Variants in KCNK9 observed in about 807,000 individuals in gnomAD.
KCNK9 encodes potassium two pore domain channel subfamily K member 9.
A neutral mutation model predicts 10.8 loss-of-function variants in KCNK9; 1 was observed. The observed-to-expected ratio is 0.09, with a 90% confidence interval of 0.03 to 0.44. The LOEUF (loss-of-function observed/expected upper bound fraction) is 0.44, where lower values mean the gene tolerates loss of function less well. Ranked by LOEUF, KCNK9 falls within the 20% of genes least tolerant of loss-of-function variation. KCNK9 has a pLI of 0.97. For missense variants in KCNK9, 303 were observed against 515.0 expected, an observed-to-expected ratio of 0.59 and a Z score of 3.98; for synonymous variants, 231 against 222.7, an observed-to-expected ratio of 1.04 and a Z score of -0.33.
intron 1 of KCNK9, among the ~76,000 whole-genome samples, chr8:139,666,005 G>T (rs1474640742): frequency 6.6e-6 from 1 of 152,232 alleles, no homozygotes; most frequent in Non-Finnish European, 1.5e-5. Flanking sequence ...CTGGGAAGTA[G>T]TGAGTGCTCC....
At chr8:139,612,930 G>A (rs1030118423), downstream of KCNK9, among the ~76,000 whole-genome samples, 9 of 152,180 alleles carry the variant, frequency 5.9e-5, no homozygotes, top group South Asian at 2.1e-4. Context: ...TGATGGGGAC[G>A]TCCTATTTGG....
At chr8:139,633,122 TACAC>T (rs935773136) in intron 1 of KCNK9, among the ~76,000 whole-genome samples, 38 of 151,694 alleles carry the variant, frequency 2.5e-4, no homozygotes, top group African/African-American at 8.5e-4. Flanking sequence ...CACAGGTACA[TACAC>T]ACAGGCACTC....
At chr8:139,620,507 C>T (rs1225706730) in intron 1 of KCNK9, among the ~76,000 whole-genome samples, 3 of 152,086 alleles carry the variant, frequency 2.0e-5, no homozygotes, top group African/African-American at 7.2e-5. Context: ...CCCCAGGATC[C>T]TCTGCCGCTC....
chr8:139,649,281 G>A (rs1191441156), intron 1 of KCNK9, among the ~76,000 whole-genome samples: 13 of 152,194 alleles, frequency 8.5e-5, no homozygotes, highest in Admixed American at 4.6e-4. Flanking sequence ...CCTGAGTGGC[G>A]CGTCAGAAGC....
At chr8:139,638,020 C>G (rs1815391746) in intron 1 of KCNK9, among the ~76,000 whole-genome samples, 1 of 151,952 alleles carries the variant, frequency 6.6e-6, no homozygotes, top group Non-Finnish European at 1.5e-5. Flanking sequence ...ACTGAGCACT[C>G]ACTGCTGTGA....
At chr8:139,608,167 C>T (rs1315431439), downstream of KCNK9, among the ~76,000 whole-genome samples, 3 of 152,332 alleles carry the variant, frequency 2.0e-5, no homozygotes, top group Admixed American at 6.5e-5. Flanking sequence ...CAACTGGACC[C>T]TTCAGGTGCC....
chr8:139,685,976 T>A (rs546806052), intron 1 of KCNK9, among the ~76,000 whole-genome samples: 4 of 152,338 alleles, frequency 2.6e-5, no homozygotes, highest in African/African-American at 9.6e-5. Flanking sequence ...ATCACCATTC[T>A]AACTGGTGTG....
At chr8:139,642,530 G>A (rs990750328) in intron 1 of KCNK9, among the ~76,000 whole-genome samples, 7 of 152,206 alleles carry the variant, frequency 4.6e-5, no homozygotes, top group African/African-American at 7.2e-5. Context: ...GAGGCTGCCC[G>A]CAGGAAGTCA....
At chr8:139,675,285 C>T (rs772876424) in intron 1 of KCNK9, among the ~76,000 whole-genome samples, 3 of 152,238 alleles carry the variant, frequency 2.0e-5, no homozygotes, top group African/African-American at 2.4e-5. Context: ...CTTCCACCTG[C>T]CCCACTGCCT....
chr8:139,665,042 C>T (rs1427714593), intron 1 of KCNK9, among the ~76,000 whole-genome samples: 1 of 152,226 alleles, frequency 6.6e-6, no homozygotes, highest in Non-Finnish European at 1.5e-5. Context: ...GGCGGCCACA[C>T]AGCCATTGCT....
At chr8:139,690,867 TG>T (rs2129793466) in intron 1 of KCNK9, among the ~76,000 whole-genome samples, 1 of 152,314 alleles carries the variant, frequency 6.6e-6, no homozygotes, top group East Asian at 1.9e-4. Context: ...GGATGAAAGA[TG>T]GTTGTGGATG....
At chr8:139,676,428 G>A (rs1816551665) in intron 1 of KCNK9, among the ~76,000 whole-genome samples, 1 of 152,206 alleles carries the variant, frequency 6.6e-6, no homozygotes, top group African/African-American at 2.4e-5. Flanking sequence ...CCCAGCTGGG[G>A]CTGGTACAGT....
Position 139,702,625 on chromosome 8 carries a change from T to C in KCNK9, c.283+85A>G. On this transcript the variant is annotated intron_variant, in intron 1 of 1. Transcript: ENST00000520439. This position sits in a 1 kb window ranked among gnomAD's most constrained non-coding sequence, Gnocchi z 7.5. Reference sequence around the variant, plus strand: ...AGGCTGCGTTTAACCCTCGACGCCCTGCACCCAGCCCGGCGCGGCGCGCTC... The same window carrying C: ...AGGCTGCGTTTAACCCTCGACGCCCCGCACCCAGCCCGGCGCGGCGCGCTC... 7.0e-7 allele frequency: 1 copy of C among 1,422,620 alleles called. No individual in the cohort carries two copies. Among genetic ancestry groups the C allele is most frequent in the South Asian group, 1.3e-5 (1 of 77,272 alleles). 88.1% of individuals were successfully genotyped at this position (1,422,620 alleles called of 1,614,324 possible). A position where few individuals can be genotyped will look rare whatever the true frequency, so the allele number is the denominator to read the frequency against.
intron 2 of KCNK9, among the ~76,000 whole-genome samples, chr8:139,602,525 A>G (rs1051141514): frequency 6.6e-6 from 1 of 152,188 alleles, no homozygotes; most frequent in Non-Finnish European, 1.5e-5. Flanking sequence ...ATTTTAGGAG[A>G]TGCTCTGAGA....
chr8:139,636,475 C>T (rs974286070), intron 1 of KCNK9, among the ~76,000 whole-genome samples: 9 of 152,266 alleles, frequency 5.9e-5, no homozygotes, highest in Admixed American at 1.3e-4. Context: ...CCTCTTTTCC[C>T]TTCCCTATGG....
intron 1 of KCNK9, among the ~76,000 whole-genome samples, chr8:139,636,583 A>G (rs183313238): frequency 5.3e-5 from 8 of 151,748 alleles, no homozygotes; most frequent in Non-Finnish European, 8.8e-5. Context: ...TTCCAGAAGA[A>G]AACTTTAGCC....
chr8:139,620,439 C>A (rs574605059), intron 1 of KCNK9, among the ~76,000 whole-genome samples: 2 of 152,168 alleles, frequency 1.3e-5, no homozygotes, highest in Non-Finnish European at 2.9e-5. Flanking sequence ...TTGTATGGAT[C>A]CGCCGAGATC....
Position 139,644,279 on chromosome 8 carries a change from G to A in KCNK9, c.284-25180C>T, listed in dbSNP as rs183631749. On this transcript the variant is annotated intron_variant, in intron 1 of 1. Transcript: ENST00000520439. ...AGAAATGTCCTTAGCATCCTGTCTC[G>A]GCAGCCATGGATATTCAACCAACGT... Among the ~76,000 whole-genome samples the A allele has an allele frequency of 4.4e-3, 666 of 152,312 alleles. 4 individuals carry two copies. The highest frequency in any genetic ancestry group is 6.9e-3 in the Non-Finnish European group (470 of 68,028).
intron 1 of KCNK9, among the ~76,000 whole-genome samples, chr8:139,675,658 C>T (rs533123756): frequency 6.6e-6 from 1 of 152,308 alleles, no homozygotes; most frequent in South Asian, 2.1e-4. Context: ...CCTGTGACAT[C>T]TTGTTATAGC....
Sources: gnomAD v4.1 joint callset for allele counts (sites outside exome capture counted in the v4.1 genomes callset) on GRCh38, gnomAD v4.1.1 for gene constraint, Gnocchi (gnomAD v3.1) non-coding constraint, MANE v1.5 for transcripts, NCBI Gene and HGNC (gene_info 2026-07-23, HGNC 2026-07-21) for gene names.